The following SUPT3H variants were observed in gnomAD, a reference collection of about 807,000 sequenced individuals.
SUPT3H encodes the protein transcription initiation protein SPT3 homolog.
Under a neutral mutation model 44.3 loss-of-function variants are expected in SUPT3H, and 44 were observed. The ratio of observed to expected loss-of-function variants is 0.99; its 90% confidence interval spans 0.78 to 1.28. The LOEUF (loss-of-function observed/expected upper bound fraction) is 1.28, where lower values mean the gene tolerates loss of function less well. SUPT3H is among the 50% of genes most tolerant of loss of function. The pLI, the probability that SUPT3H is intolerant of heterozygous loss-of-function variation, is 0.00. For missense variants in SUPT3H, 380 were observed against 387.1 expected, an observed-to-expected ratio of 0.98 and a Z score of 0.15; for synonymous variants, 124 against 125.6, an observed-to-expected ratio of 0.99 and a Z score of 0.09.
At chr6:45,357,093 G>A (rs939858781) in intron 2 of SUPT3H, among the ~76,000 whole-genome samples, 109 of 151,764 alleles carry the variant, frequency 7.2e-4, no homozygotes, top group Non-Finnish European at 1.9e-4. Flanking sequence ...TGCAAGCTCC[G>A]CCTCCTGGGT....
chr6:45,104,803 T>A (rs1441367462), intron 3 of SUPT3H, among the ~76,000 whole-genome samples: 1 of 151,968 alleles, frequency 6.6e-6, no homozygotes, highest in Non-Finnish European at 1.5e-5. Context: ...AATGTAGATA[T>A]CCCCATTCAT....
intron 3 of SUPT3H, among the ~76,000 whole-genome samples, chr6:45,026,422 A>T (rs1786010047): frequency 1.5e-4 from 1 of 6,866 alleles, no homozygotes; most frequent in Non-Finnish European, 2.1e-4. Flanking sequence ...CAATGACTTT[A>T]ATTACTAGTA....
At chr6:45,199,682 AAC>A in intron 2 of SUPT3H, among the ~76,000 whole-genome samples, 1 of 151,420 alleles carries the variant, frequency 6.6e-6, no homozygotes, top group East Asian at 1.9e-4. Context: ...CATTACTTGA[AAC>A]CACTGTTAAA....
At chr6:44,987,792 G>A (rs889260628) in intron 6 of SUPT3H, among the ~76,000 whole-genome samples, 3 of 152,066 alleles carry the variant, frequency 2.0e-5, no homozygotes, top group Admixed American at 6.6e-5. Context: ...GTACTCTTCC[G>A]ATTACTTCTT....
At chr6:45,292,910 C>T (rs1430074594) in intron 2 of SUPT3H, among the ~76,000 whole-genome samples, 3 of 151,330 alleles carry the variant, frequency 2.0e-5, no homozygotes, top group Middle Eastern at 3.4e-3. Flanking sequence ...ACTCCACTGA[C>T]AGCAGTAGAT....
chr6:45,299,948 A>AATAT lies in SUPT3H; in HGVS notation c.101+65249_101+65252dup, dbSNP rs10563494. Among the ~76,000 whole-genome samples the AATAT allele has an allele frequency of 2.8e-3, 418 of 150,804 alleles. 1 individual carries two copies. The highest frequency in any genetic ancestry group is 7.8e-3 in the African/African-American group (321 of 41,182). On this transcript the variant is annotated intron_variant, in intron 2 of 10. Coordinates refer to ENST00000371459, the MANE Select transcript of SUPT3H (RefSeq NM_003599.4). ...CTTTTATATGCGTATTATATATGTGAATATATATATATATGTGTGCACACA... is the reference window on the plus strand; with the variant it reads ...CTTTTATATGCGTATTATATATGTGAATATATATATATATATATGTGTGCACACA...
chr6:44,854,712 A>G (rs1362387170), intron 10 of SUPT3H, among the ~76,000 whole-genome samples: 1 of 152,204 alleles, frequency 6.6e-6, no homozygotes, highest in East Asian at 1.9e-4. Flanking sequence ...CATTAAAGTA[A>G]AAATGCCAGC....
chr6:45,296,738 CAA>C lies in SUPT3H; in HGVS notation c.101+68461_101+68462del, dbSNP rs60921436. Among the ~76,000 whole-genome samples the C allele has an allele frequency of 9.8e-3, 292 of 29,680 alleles. 3 individuals carry two copies. The highest frequency in any genetic ancestry group is 0.023 in the Admixed American group (32 of 1,388). The allele number at this position is 29,680 out of a possible 152,430, so 19.5% of individuals were successfully genotyped here. ...TGGCCAACAGAGTAAGACTCTGTCT[CAA>C]AAAAAAAAAAAAAAAAAAAAAAAAT... On this transcript the variant is annotated intron_variant, in intron 2 of 10. Coordinates refer to ENST00000371459, the MANE Select transcript of SUPT3H (RefSeq NM_003599.4).
chr6:45,101,404 A>T (rs1798553607), intron 3 of SUPT3H, among the ~76,000 whole-genome samples: 1 of 152,244 alleles, frequency 6.6e-6, no homozygotes, highest in African/African-American at 2.4e-5. Context: ...CAGCCTGGGC[A>T]ACAAGAGCGA....
chr6:45,376,557 A>G (rs985970038), intron 1 of SUPT3H, among the ~76,000 whole-genome samples: 3 of 152,248 alleles, frequency 2.0e-5, no homozygotes, highest in African/African-American at 7.2e-5. Context: ...GAACATCTCC[A>G]TCAAGGCAGA....
At chr6:45,217,865 G>C (rs1251216468) in intron 2 of SUPT3H, among the ~76,000 whole-genome samples, 2 of 151,886 alleles carry the variant, frequency 1.3e-5, no homozygotes, top group Admixed American at 6.6e-5. Context: ...ACTCCAGCCT[G>C]AGTGACAGAG....
At chr6:45,008,915 A>G (rs1783084810) in intron 5 of SUPT3H, among the ~76,000 whole-genome samples, 1 of 151,608 alleles carries the variant, frequency 6.6e-6, no homozygotes, top group Non-Finnish European at 1.5e-5. Context: ...CATTTTTTGT[A>G]TTTTTAGTAG....
intron 2 of SUPT3H, among the ~76,000 whole-genome samples, chr6:45,241,002 A>G (rs1170307620): frequency 5.3e-5 from 8 of 152,240 alleles, no homozygotes; most frequent in Non-Finnish European, 5.9e-5. Context: ...CAGACAGATT[A>G]GCAGCTAGTA....
chr6:45,297,163 G>A (rs1228791677), intron 2 of SUPT3H, among the ~76,000 whole-genome samples: 1 of 151,588 alleles, frequency 6.6e-6, no homozygotes, highest in Non-Finnish European at 1.5e-5. Flanking sequence ...ACATCATGAA[G>A]TTTAACTCAA....
intron 2 of SUPT3H, among the ~76,000 whole-genome samples, chr6:45,257,210 G>A (rs541308611): frequency 1.1e-4 from 17 of 152,140 alleles, no homozygotes; most frequent in South Asian, 4.1e-4. Flanking sequence ...TTTTCCAAAC[G>A]ACTAATGTTC....
At chr6:44,861,650 G>T (rs1488444922) in intron 10 of SUPT3H, among the ~76,000 whole-genome samples, 1 of 152,054 alleles carries the variant, frequency 6.6e-6, no homozygotes, top group African/African-American at 2.4e-5. Flanking sequence ...GCCTCCCAAA[G>T]TGCTGGGATT....
intron 10 of SUPT3H, among the ~76,000 whole-genome samples, chr6:44,830,873 T>C (rs1433518589): frequency 7.4e-6 from 1 of 135,962 alleles, no homozygotes; most frequent in East Asian, 2.4e-4. Context: ...TGAATTAACC[T>C]TGAACAGCCA....
chr6:44,907,150 T>G (rs571908290), intron 10 of SUPT3H, among the ~76,000 whole-genome samples: 1 of 152,358 alleles, frequency 6.6e-6, no homozygotes, highest in East Asian at 1.9e-4. Flanking sequence ...TGTTTTTTAC[T>G]CCAGAGTGTA....
chr6:45,274,789 T>C (rs2153663490), intron 2 of SUPT3H, among the ~76,000 whole-genome samples: 1 of 152,086 alleles, frequency 6.6e-6, no homozygotes, highest in East Asian at 1.9e-4. Context: ...GAGGCTGAGG[T>C]GGGAGCATCA....
Sources: allele counts gnomAD v4.1 joint callset (sites outside exome capture counted in the v4.1 genomes callset), GRCh38; gene constraint gnomAD v4.1.1; transcripts MANE v1.5; gene names NCBI Gene and HGNC (gene_info 2026-07-23, HGNC 2026-07-21).